The following MYO18B variants were observed in gnomAD, a reference collection of about 807,000 sequenced individuals.
MYO18B encodes the protein unconventional myosin-XVIIIb.
Under a neutral mutation model 273.0 loss-of-function variants are expected in MYO18B, and 204 were observed. The observed-to-expected ratio is 0.75, with a 90% CI of 0.67 to 0.84. The LOEUF is 0.84. MYO18B is among the 40% of genes least tolerant of loss of function. The pLI is 0.00. For synonymous variants in MYO18B, 1,330 were observed against 1,305.7 expected (o/e 1.02, Z -0.40); for missense variants, 3,212 against 3,287.6 (o/e 0.98, Z 0.56).
At chr22:25,793,931 TTG>T (rs969240916) in intron 11 of MYO18B, among the ~76,000 whole-genome samples, 1 of 152,016 alleles carries the variant, frequency 6.6e-6, no homozygotes, top group African/African-American at 2.4e-5. Context: ...CCCATATTCT[TTG>T]TCTCTCTCTT....
At chr22:25,981,770 A>T (rs2093151068) in intron 39 of MYO18B, among the ~76,000 whole-genome samples, 1 of 152,212 alleles carries the variant, frequency 6.6e-6, no homozygotes, top group Non-Finnish European at 1.5e-5. Flanking sequence ...AAGATACATA[A>T]TAAAAAGACA....
chr22:25,778,231 G>A (rs996858697), intron 8 of MYO18B, among the ~76,000 whole-genome samples: 1 of 152,130 alleles, frequency 6.6e-6, no homozygotes, highest in East Asian at 1.9e-4. Context: ...AATAGCCAGA[G>A]AGGAAATTGA....
chr22:25,991,267 A>G (rs1226920444), intron 39 of MYO18B, among the ~76,000 whole-genome samples: 1 of 152,154 alleles, frequency 6.6e-6, no homozygotes, highest in Non-Finnish European at 1.5e-5. Flanking sequence ...AGATGAATTA[A>G]TTACCAGGAG....
chr22:26,046,304 G>C, the MYO18B span, among the ~76,000 whole-genome samples: 1 of 152,180 alleles, frequency 6.6e-6, no homozygotes, highest in Admixed American at 6.5e-5. Flanking sequence ...TGTGCTCATT[G>C]AATCTGGGGA....
intron 18 of MYO18B, among the ~76,000 whole-genome samples, chr22:25,845,719 G>T (rs1170786924): frequency 2.0e-5 from 3 of 152,210 alleles, no homozygotes; most frequent in African/African-American, 4.8e-5. Context: ...CATGGCACGT[G>T]CCTACTGTGT....
At chr22:25,887,656 C>T (rs2091540847) in intron 25 of MYO18B, among the ~76,000 whole-genome samples, 1 of 152,146 alleles carries the variant, frequency 6.6e-6, no homozygotes, top group Admixed American at 6.5e-5. Flanking sequence ...CAGCTCTGAG[C>T]ATGGTGCCTG....
At chr22:25,957,199 T>A (rs1393357745) in intron 39 of MYO18B, among the ~76,000 whole-genome samples, 2 of 152,212 alleles carry the variant, frequency 1.3e-5, no homozygotes, top group African/African-American at 4.8e-5. Flanking sequence ...AGCCAGGCAC[T>A]CAGGCATTCT....
chr22:25,947,975 T>C, intron 36 of MYO18B, 147 bp downstream of exon 36: 1 of 651,692 alleles, frequency 1.5e-6, no homozygotes, highest in Non-Finnish European at 2.8e-6. Flanking sequence ...ATTGTGCATT[T>C]CCTGTGGTCC....
chr22:26,036,426 A>G, the MYO18B span, among the ~76,000 whole-genome samples: 188 of 152,300 alleles, frequency 1.2e-3, no homozygotes, highest in African/African-American at 4.3e-3. Flanking sequence ...TCTAAGAGAC[A>G]GTGGTTGGGA....
chr22:25,957,302 C>T (rs1430970337), intron 39 of MYO18B, among the ~76,000 whole-genome samples: 2 of 152,206 alleles, frequency 1.3e-5, no homozygotes, highest in East Asian at 3.9e-4. Flanking sequence ...CTTTCCTCTC[C>T]CTGTCCCCAT....
intron 34 of MYO18B, among the ~76,000 whole-genome samples, chr22:25,923,872 CT>C (rs560524022): frequency 2.7e-4 from 40 of 149,586 alleles, no homozygotes; most frequent in East Asian, 1.8e-3. Flanking sequence ...GTTACTTTTT[CT>C]TTTTTTTTTA....
chr22:25,839,753 TCTCA>T (rs1373888388), intron 17 of MYO18B, among the ~76,000 whole-genome samples: 2 of 152,072 alleles, frequency 1.3e-5, no homozygotes, highest in Non-Finnish European at 2.9e-5. Flanking sequence ...AGGGGAGGCA[TCTCA>T]CTCAGATCCA....
the MYO18B span, among the ~76,000 whole-genome samples, chr22:26,043,405 T>C: frequency 6.6e-6 from 1 of 152,208 alleles, no homozygotes; most frequent in East Asian, 1.9e-4. Context: ...TTTTTGTTAC[T>C]GTTGGGTAAA....
At chr22:25,969,648 C>T (rs759258432) in intron 39 of MYO18B, among the ~76,000 whole-genome samples, 2 of 148,526 alleles carry the variant, frequency 1.3e-5, no homozygotes, top group Non-Finnish European at 3.0e-5. Context: ...TTGCTTAGCA[C>T]AGAGTAGGCA....
chr22:25,843,647 G>GA, intron 17 of MYO18B, 88 bp from the exon 18 acceptor site: 1 of 1,403,036 alleles, frequency 7.1e-7, no homozygotes, highest in African/African-American at 1.4e-5. Flanking sequence ...AACACGTTAA[G>GA]ATGGATACTG....
intron 39 of MYO18B, among the ~76,000 whole-genome samples, chr22:25,973,378 A>G (rs1000238317): frequency 3.3e-5 from 5 of 152,238 alleles, no homozygotes; most frequent in Admixed American, 6.5e-5. Flanking sequence ...TTCAGACCAT[A>G]GAAATATAGA....
At chr22:25,976,498 C>T (rs1237491617) in intron 39 of MYO18B, among the ~76,000 whole-genome samples, 2 of 152,218 alleles carry the variant, frequency 1.3e-5, no homozygotes, top group African/African-American at 4.8e-5. Context: ...CCTTGTGCCA[C>T]AGCAGATGGA....
At position 25,955,355 on chromosome 22, in the gene MYO18B, C is replaced by T; in HGVS notation, c.6147C>T (p.Cys2049=). The T allele has an allele frequency of 6.2e-7, 1 of 1,612,700 alleles. No individual in the cohort carries two copies. Among genetic ancestry groups the T allele is most frequent in the South Asian group, 1.1e-5 (1 of 90,924 alleles). The change falls in exon 39 of 44, where the codon TGC becomes TGT. Residue 2049 remains cysteine (C), a synonymous_variant. Coordinates refer to ENST00000335473, the MANE Select transcript of MYO18B (RefSeq NM_032608.7). The part of the protein sequence containing the change: ...VQREAEASRR[C]MELEKYVEEL... ...GGGAGGCAGAGGCCAGCCGGCGGTGCATGGAGCTGGTGAGTCCTGTCCCCA... is the reference window on the plus strand; with the variant it reads ...GGGAGGCAGAGGCCAGCCGGCGGTGTATGGAGCTGGTGAGTCCTGTCCCCA...
chr22:26,028,262 A>G (rs553458696), intron 43 of MYO18B: 1 of 152,040 alleles, frequency 6.6e-6, no homozygotes, highest in Non-Finnish European at 1.5e-5. Context: ...AAAAAAAAAA[A>G]AAAAGGTGCC....
Sources: allele counts gnomAD v4.1 joint callset (sites outside exome capture counted in the v4.1 genomes callset), GRCh38; gene constraint gnomAD v4.1.1; transcripts MANE v1.5; gene names NCBI Gene and HGNC (gene_info 2026-07-23, HGNC 2026-07-21).